Variants in GNGT2 observed in about 807,000 individuals in gnomAD.
The protein encoded by GNGT2 is G protein subunit gamma transducin 2.
A neutral mutation model predicts 3.5 loss-of-function variants in GNGT2; 4 were observed. That is an observed-to-expected ratio of 1.13 (90% CI 0.56 to 2.59). The LOEUF (loss-of-function observed/expected upper bound fraction) is 2.59. Ranked by LOEUF, GNGT2 falls within the 30% of genes most tolerant of loss-of-function variation. GNGT2 has a pLI of 0.02. For synonymous variants in GNGT2, 31 were observed against 29.5 expected, an observed-to-expected ratio of 1.05 and a Z score of -0.17; for missense variants, 64 against 81.2, an observed-to-expected ratio of 0.79 and a Z score of 0.82.
chr17:49,207,003 A>G, intron 3 of GNGT2, 121 bp from the exon 4 acceptor site: 1 of 1,023,630 alleles, frequency 9.8e-7, no homozygotes, highest in Non-Finnish European at 1.5e-6. Flanking sequence ...GGAGAAAGAC[A>G]CAGAGGACAG....
intron 2 of GNGT2, among the ~76,000 whole-genome samples, chr17:49,208,644 T>G (rs901457471): frequency 6.6e-6 from 1 of 152,130 alleles, no homozygotes; most frequent in Non-Finnish European, 1.5e-5. Context: ...GCAATTATTG[T>G]GGGTACTAAG....
intron 3 of GNGT2, 30 bp downstream of exon 3, chr17:49,207,309 G>A: frequency 6.6e-7 from 1 of 1,504,158 alleles, no homozygotes; most frequent in Non-Finnish European, 9.3e-7. Context: ...AACAGGAAGG[G>A]AAGAGCAGGG....
chr17:49,207,262 C>A (rs1258571417), intron 3 of GNGT2, 77 bp downstream of exon 3: 5 of 1,076,930 alleles, frequency 4.6e-6, no homozygotes, highest in Non-Finnish European at 5.8e-6. Context: ...TCCCACCACC[C>A]TTTCTGGTCA....
chr17:49,206,268 A>C lies in GNGT2; in HGVS notation c.*489T>G. On this transcript the variant is annotated 3_prime_UTR_variant, in exon 4 of 4. Transcript: ENST00000507680. ...CACAAACTCTTGTTGTCATCAGGCCATCTGGGGTGATCTAAATGACTAGGA... is the reference window on the plus strand; with the variant it reads ...CACAAACTCTTGTTGTCATCAGGCCCTCTGGGGTGATCTAAATGACTAGGA... 6.5e-6 allele frequency: 1 copy of C among 154,266 alleles called. No individual in the cohort carries two copies. The highest frequency in any genetic ancestry group is 1.4e-5 in the Non-Finnish European group (1 of 69,504). 9.6% of individuals were successfully genotyped at this position (154,266 alleles called of 1,614,324 possible). A position where few individuals can be genotyped will look rare whatever the true frequency, so the allele number is the denominator to read the frequency against.
intron 2 of GNGT2, among the ~76,000 whole-genome samples, chr17:49,208,180 C>T (rs80083520): frequency 1.1e-4 from 17 of 151,108 alleles, no homozygotes; most frequent in African/African-American, 3.9e-4. Flanking sequence ...AAAAAAAGAT[C>T]CCAGGCACTG....
intron 2 of GNGT2, among the ~76,000 whole-genome samples, chr17:49,207,864 G>T (rs2043120044): frequency 6.6e-6 from 1 of 152,130 alleles, no homozygotes; most frequent in Non-Finnish European, 1.5e-5. Flanking sequence ...ATACAATAAT[G>T]GTCAAGAGAA....
chr17:49,208,724 A>G (rs1297494942), intron 2 of GNGT2, 121 bp downstream of exon 2: 2 of 152,162 alleles, frequency 1.3e-5, no homozygotes, highest in Non-Finnish European at 2.9e-5. Flanking sequence ...ACTTATTATT[A>G]TCACTAATAA....
At chr17:49,208,184 G>T (rs2043122390) in intron 2 of GNGT2, among the ~76,000 whole-genome samples, 1 of 151,930 alleles carries the variant, frequency 6.6e-6, no homozygotes, top group African/African-American at 2.4e-5. Context: ...AAAGATCCCA[G>T]GCACTGTGGC....
intron 2 of GNGT2, among the ~76,000 whole-genome samples, chr17:49,208,503 A>G (rs546670649): frequency 6.6e-6 from 1 of 150,550 alleles, no homozygotes; most frequent in Non-Finnish European, 1.5e-5. Flanking sequence ...GGGGGTCTGG[A>G]GCTTACCAGA....
chr17:49,207,995 G>A (rs974623076), intron 2 of GNGT2, among the ~76,000 whole-genome samples: 17 of 151,958 alleles, frequency 1.1e-4, no homozygotes, highest in South Asian at 8.3e-4. Context: ...GCGAAACCTC[G>A]TCTCTACAAA....
intron 2 of GNGT2, 62 bp from the exon 3 acceptor site, chr17:49,207,506 C>T: frequency 2.2e-6 from 2 of 894,624 alleles, no homozygotes; most frequent in Non-Finnish European, 3.8e-6. Flanking sequence ...CCCTCCACAC[C>T]TCGACTTCTA....
In GNGT2 at chr17:49,206,616, A is replaced by C; in HGVS notation, c.*141T>G. 5.5e-6 allele frequency: 4 copies of C among 721,714 alleles called. No individual in the cohort carries two copies. The highest frequency in any genetic ancestry group is 9.2e-6 in the Non-Finnish European group (4 of 436,388). The allele number at this position is 721,714 out of a possible 1,614,324, so 44.7% of individuals were successfully genotyped here. On this transcript the variant is annotated 3_prime_UTR_variant, in exon 4 of 4. Coordinates refer to ENST00000507680, the MANE Select transcript of GNGT2 (RefSeq NM_001198754.2). ...AAAGAGTTGAAGGTGGGAGTGGGGA[A>C]TGGGTTCACAATGCATTTGTTCAGG...
chr17:49,207,251 G>T, intron 3 of GNGT2, 88 bp downstream of exon 3: 1 of 979,404 alleles, frequency 1.0e-6, no homozygotes, highest in Non-Finnish European at 1.7e-6. Context: ...CCCTGGAACA[G>T]TCCCACCACC....
chr17:49,207,303 G>A (rs2043115266), intron 3 of GNGT2, 36 bp downstream of exon 3: 5 of 1,464,032 alleles, frequency 3.4e-6, no homozygotes, highest in African/African-American at 1.4e-5. Flanking sequence ...ATCAGGAACA[G>A]GAAGGGAAGA....
Position 49,207,366 on chromosome 17 carries a change from C to T in GNGT2, c.57G>A (p.Lys19=). 1 of 1,613,792 alleles carries T rather than the reference C, an allele frequency of 6.2e-7. No homozygotes were observed. Among genetic ancestry groups the T allele is most frequent in the Non-Finnish European group, 8.5e-7 (1 of 1,179,690 alleles). The stretch of plus-strand genomic sequence containing the variant: ...GAATTCTTGTGTTTTTCACTTCTTT[C>T]TTCAGCTGCTCCACCTCCATCTTCA... ...DLLKMEVEQL[K]KEVKNTRIPI... is the part of the protein sequence containing the mutation. Residue 19 remains lysine, a synonymous_variant, in exon 3 of 4, where the codon AAG becomes AAA. Coordinates refer to ENST00000507680, the MANE Select transcript of GNGT2 (RefSeq NM_001198754.2).
At position 49,207,273 on chromosome 17, in the gene GNGT2, C is replaced by G. The variant is rs2043114937; in HGVS notation, c.84+66G>C. 9.2e-6 allele frequency: 11 copies of G among 1,194,760 alleles called. No homozygotes were observed. In the South Asian group the frequency reaches 1.1e-4, roughly 12 times the overall value. The allele number at this position is 1,194,760 out of a possible 1,614,324, so 74.0% of individuals were successfully genotyped here. A position where few individuals can be genotyped will look rare whatever the true frequency, so the allele number is the denominator to read the frequency against. ...ACAGTCCCACCACCCTTTCTGGTCA[C>G]TTCCTCCTTCCCGGGGCTCATCAGG... On this transcript the variant is annotated intron_variant, in intron 3 of 3. Coordinates refer to ENST00000507680, the MANE Select transcript of GNGT2 (RefSeq NM_001198754.2).
Position 49,206,340 on chromosome 17 carries a change from A to G in GNGT2, c.*417T>C. ...TGATATGGAGGGACAGGACCACCCA[A>G]CCCTGGCCCCCAGCCCAAACTACTC... On this transcript the variant is annotated 3_prime_UTR_variant, in exon 4 of 4. Coordinates refer to ENST00000507680, the MANE Select transcript of GNGT2 (RefSeq NM_001198754.2). The G allele has an allele frequency of 5.6e-6, 1 of 179,594 alleles. No individual in the cohort carries two copies. The highest frequency in any genetic ancestry group is 1.1e-5 in the Non-Finnish European group (1 of 87,426). 11.1% of individuals were successfully genotyped at this position (179,594 alleles called of 1,614,324 possible).
chr17:49,207,479 C>T (rs2143492903), intron 2 of GNGT2, 35 bp from the exon 3 acceptor site: 2 of 1,179,290 alleles, frequency 1.7e-6, no homozygotes, highest in East Asian at 2.3e-5. Context: ...TCATAAATCT[C>T]ATCAGCTCTT....
At chr17:49,207,042 A>ATC (rs2043112935) in intron 3 of GNGT2, among the ~76,000 whole-genome samples, 160 bp from the exon 4 acceptor site, 1 of 152,088 alleles carries the variant, frequency 6.6e-6, no homozygotes, top group East Asian at 1.9e-4. Flanking sequence ...GAGTTCCTTG[A>ATC]TCTGACCCAC....
Sources: gnomAD v4.1 joint callset for allele counts (sites outside exome capture counted in the v4.1 genomes callset) on GRCh38, gnomAD v4.1.1 for gene constraint, MANE v1.5 for transcripts, NCBI Gene and HGNC (gene_info 2026-07-23, HGNC 2026-07-21) for gene names.